HOOK3: variants seen among roughly 807,000 people sequenced by gnomAD.
The protein encoded by HOOK3 is protein Hook homolog 3.
A neutral mutation model predicts 116.3 loss-of-function variants in HOOK3; 24 were observed. That is an observed-to-expected ratio of 0.21 (90% confidence interval 0.15 to 0.29). The LOEUF is 0.29. Ranked by LOEUF, HOOK3 falls within the 10% of genes least tolerant of loss-of-function variation. The pLI is 1.00. For synonymous variants in HOOK3, 275 were observed against 283.0 expected, an observed-to-expected ratio of 0.97 and a Z score of 0.28; for missense variants, 632 against 830.2, an observed-to-expected ratio of 0.76 and a Z score of 2.93.
intron 4 of HOOK3, among the ~76,000 whole-genome samples, chr8:42,939,468 G>A (rs537798060): frequency 1.8e-4 from 27 of 149,694 alleles, no homozygotes; most frequent in Non-Finnish European, 3.7e-4. Flanking sequence ...CAGTAGGGGC[G>A]GCCGGGCAGA....
chr8:42,927,331 G>T (rs958720188), intron 3 of HOOK3, among the ~76,000 whole-genome samples: 1 of 145,138 alleles, frequency 6.9e-6, no homozygotes, highest in African/African-American at 2.6e-5. Flanking sequence ...ATCTCGGCTC[G>T]CTGCAACCTC....
At chr8:42,923,239 C>T (rs893621974) in intron 2 of HOOK3, among the ~76,000 whole-genome samples, 1 of 152,188 alleles carries the variant, frequency 6.6e-6, no homozygotes, top group Non-Finnish European at 1.5e-5. Context: ...AGAGAACATA[C>T]ATTGCTGGTG....
chr8:43,013,019 T>G, intron 19 of HOOK3, 32 bp from the exon 20 acceptor site: 1 of 1,358,206 alleles, frequency 7.4e-7, no homozygotes, highest in East Asian at 2.3e-5. Context: ...AGTTTGAGAC[T>G]TTTTAAATTT....
intron 5 of HOOK3, among the ~76,000 whole-genome samples, chr8:42,949,211 A>G (rs1023981974): frequency 1.3e-5 from 2 of 152,200 alleles, no homozygotes; most frequent in African/African-American, 4.8e-5. Flanking sequence ...GTTGAGCCTA[A>G]AATTTCCTAA....
intron 1 of HOOK3, 99 bp downstream of exon 1, chr8:42,897,287 T>A: frequency 1.4e-6 from 1 of 737,260 alleles, no homozygotes; most frequent in Non-Finnish European, 1.8e-6. Flanking sequence ...CGGGCGACGG[T>A]GCCGTCACAT....
intron 15 of HOOK3, among the ~76,000 whole-genome samples, chr8:42,995,281 G>A (rs981322610): frequency 6.6e-6 from 1 of 152,104 alleles, no homozygotes; most frequent in African/African-American, 2.4e-5. Context: ...GGAGCAGTCT[G>A]GCTTCTGCTA....
At chr8:42,965,742 T>A (rs1808621690) in intron 9 of HOOK3, among the ~76,000 whole-genome samples, 2 of 150,488 alleles carry the variant, frequency 1.3e-5, no homozygotes, top group Non-Finnish European at 3.0e-5. Flanking sequence ...GTTTCTGGAT[T>A]TTTTTTTTTC....
At chr8:42,963,630 C>T (rs544702511) in intron 8 of HOOK3, among the ~76,000 whole-genome samples, 1 of 152,186 alleles carries the variant, frequency 6.6e-6, no homozygotes, top group Non-Finnish European at 1.5e-5. Flanking sequence ...TTTATATTCT[C>T]ACCACAAGTT....
chr8:43,007,345 C>G (rs922213615), intron 17 of HOOK3, among the ~76,000 whole-genome samples: 1 of 152,218 alleles, frequency 6.6e-6, no homozygotes, highest in Non-Finnish European at 1.5e-5. Context: ...ACTAGCCACA[C>G]AGCTGATCTG....
chr8:42,982,866 G>A (rs972077281), intron 14 of HOOK3, among the ~76,000 whole-genome samples, 170 bp downstream of exon 14: 1 of 152,152 alleles, frequency 6.6e-6, no homozygotes, highest in Non-Finnish European at 1.5e-5. Flanking sequence ...TCTTCCACTG[G>A]CCTACGGAAA....
rs1251549330 is a variant in HOOK3, at chr8:43,029,116, G to A, written c.*10618G>A. 1 of 180,828 alleles carries A rather than the reference G, an allele frequency of 5.5e-6. No individual in the cohort carries two copies. Among genetic ancestry groups the A allele is most frequent in the African/African-American group, 2.4e-5 (1 of 42,372 alleles). 11.2% of individuals were successfully genotyped at this position (180,828 alleles called of 1,614,324 possible). A position where few individuals can be genotyped will look rare whatever the true frequency, so the allele number is the denominator to read the frequency against. ...GTACACAAATGCTAATCAGTGATTT[G>A]GGGCCTTTTAATGTCTTTAACAGCA... On this transcript the variant is annotated 3_prime_UTR_variant, in exon 22 of 22. Coordinates refer to ENST00000307602, the MANE Select transcript of HOOK3 (RefSeq NM_032410.4).
chr8:42,967,490 G>A (rs1339706532), intron 10 of HOOK3, among the ~76,000 whole-genome samples: 1 of 152,062 alleles, frequency 6.6e-6, no homozygotes, highest in Non-Finnish European at 1.5e-5. Context: ...CTACCTTTCT[G>A]GCCTACGCGG....
intron 1 of HOOK3, among the ~76,000 whole-genome samples, chr8:42,902,228 C>G (rs540092414): frequency 6.6e-6 from 1 of 151,544 alleles, no homozygotes; most frequent in Non-Finnish European, 1.5e-5. Flanking sequence ...CACACAGATT[C>G]TGATTCAGTA....
At chr8:42,947,834 G>A (rs957960280) in intron 5 of HOOK3, among the ~76,000 whole-genome samples, 4 of 148,558 alleles carry the variant, frequency 2.7e-5, no homozygotes, top group African/African-American at 5.2e-5. Flanking sequence ...GTCATGAGGA[G>A]TGAATGAAAT....
At chr8:42,976,970 T>C (rs1230970502) in intron 13 of HOOK3, among the ~76,000 whole-genome samples, 2 of 152,318 alleles carry the variant, frequency 1.3e-5, no homozygotes, top group Non-Finnish European at 2.9e-5. Context: ...TGCCTACAAA[T>C]CAGGGACTCT....
At chr8:42,947,882 A>G (rs1259555132) in intron 5 of HOOK3, among the ~76,000 whole-genome samples, 1 of 152,104 alleles carries the variant, frequency 6.6e-6, no homozygotes, top group African/African-American at 2.4e-5. Context: ...TTTGTACTCC[A>G]TAAAGCAGTG....
chr8:42,965,390 T>A (rs1808615345), intron 9 of HOOK3, among the ~76,000 whole-genome samples: 1 of 152,172 alleles, frequency 6.6e-6, no homozygotes, highest in African/African-American at 2.4e-5. Flanking sequence ...TGAGCTGATT[T>A]AAAAGGACAG....
chr8:42,912,810 A>G (rs2130335169), intron 2 of HOOK3, among the ~76,000 whole-genome samples: 1 of 152,306 alleles, frequency 6.6e-6, no homozygotes, highest in East Asian at 1.9e-4. Context: ...GGTGTTGTAC[A>G]TCCTATGGGT....
At chr8:43,007,271 G>A (rs1809511344) in intron 17 of HOOK3, among the ~76,000 whole-genome samples, 1 of 152,076 alleles carries the variant, frequency 6.6e-6, no homozygotes, top group Non-Finnish European at 1.5e-5. Context: ...GCCTGCCAAG[G>A]CCTCCCAAAC....
Sources: gnomAD v4.1 joint callset for allele counts (sites outside exome capture counted in the v4.1 genomes callset) on GRCh38, gnomAD v4.1.1 for gene constraint, MANE v1.5 for transcripts, NCBI Gene and HGNC (gene_info 2026-07-23, HGNC 2026-07-21) for gene names.